Variants in LNP1 observed in about 807,000 individuals in gnomAD.
LNP1 encodes leukemia NUP98 fusion partner 1.
LNP1 carries 12 observed loss-of-function variants against 14.5 expected under a neutral mutation model. The ratio of observed to expected loss-of-function variants is 0.83; its 90% CI spans 0.53 to 1.34. The LOEUF (loss-of-function observed/expected upper bound fraction) is 1.34, where lower values mean the gene tolerates loss of function less well. LNP1 is among the 40% of genes most tolerant of loss of function. LNP1 has a pLI of 0.00. For missense variants in LNP1, 198 were observed against 210.9 expected, an observed-to-expected ratio of 0.94 and a Z score of 0.38; for synonymous variants, 75 against 71.4, an observed-to-expected ratio of 1.05 and a Z score of -0.26.
chr3:100,453,988 A>C (rs964248112), intron 3 of LNP1, among the ~76,000 whole-genome samples: 1 of 152,174 alleles, frequency 6.6e-6, no homozygotes, highest in African/African-American at 2.4e-5. Context: ...GCACTTTCTC[A>C]GTCTTTCCTT....
At chr3:100,409,735 C>T (rs932517443) in intron 1 of LNP1, among the ~76,000 whole-genome samples, 2 of 150,818 alleles carry the variant, frequency 1.3e-5, no homozygotes, top group Non-Finnish European at 3.0e-5. Flanking sequence ...TCTGGGATTG[C>T]AGGTACCCAC....
intron 2 of LNP1, among the ~76,000 whole-genome samples, chr3:100,437,282 T>C (rs1219396704): frequency 6.6e-6 from 1 of 152,212 alleles, no homozygotes; most frequent in African/African-American, 2.4e-5. Flanking sequence ...GACAAGTCCT[T>C]GAATTTTGCT....
chr3:100,417,219 C>T (rs1707093053), intron 1 of LNP1, among the ~76,000 whole-genome samples: 1 of 151,966 alleles, frequency 6.6e-6, no homozygotes, highest in Non-Finnish European at 1.5e-5. Flanking sequence ...TATTACCTCC[C>T]TCTCCCTATC....
At chr3:100,412,027 T>C (rs1454573767) in intron 1 of LNP1, among the ~76,000 whole-genome samples, 3 of 152,218 alleles carry the variant, frequency 2.0e-5, no homozygotes, top group African/African-American at 7.2e-5. Flanking sequence ...TTTGTGTTGC[T>C]ATAACAGAAT....
chr3:100,412,680 A>G (rs755060595), intron 1 of LNP1, among the ~76,000 whole-genome samples: 9 of 152,152 alleles, frequency 5.9e-5, no homozygotes, highest in Non-Finnish European at 1.2e-4. Flanking sequence ...CTAATTCTAT[A>G]TGTCAGAGCA....
At chr3:100,409,126 AG>A (rs1243934548) in intron 1 of LNP1, among the ~76,000 whole-genome samples, 1 of 152,070 alleles carries the variant, frequency 6.6e-6, no homozygotes, top group African/African-American at 2.4e-5. Flanking sequence ...CAATCAGATG[AG>A]GGCCCAAATA....
At chr3:100,421,001 A>G (rs532257653) in intron 1 of LNP1, among the ~76,000 whole-genome samples, 59 of 151,886 alleles carry the variant, frequency 3.9e-4, no homozygotes, top group African/African-American at 1.3e-3. Flanking sequence ...TTTTTGAGAT[A>G]AGAGTCTTGC....
chr3:100,437,956 G>A (rs75314689), intron 2 of LNP1, among the ~76,000 whole-genome samples: 1,730 of 152,254 alleles, frequency 0.011, 30 homozygotes, highest in African/African-American at 0.04. Context: ...GCAAGACTTA[G>A]CCTCACTAAG....
At chr3:100,423,844 G>A (rs1018966006) in intron 1 of LNP1, among the ~76,000 whole-genome samples, 1 of 152,122 alleles carries the variant, frequency 6.6e-6, no homozygotes, top group African/African-American at 2.4e-5. Flanking sequence ...CCTTTGGTAC[G>A]CATCCCCAGC....
At chr3:100,424,229 TC>T (rs1378188368) in intron 1 of LNP1, among the ~76,000 whole-genome samples, 2 of 152,190 alleles carry the variant, frequency 1.3e-5, no homozygotes, top group African/African-American at 2.4e-5. Flanking sequence ...TTTGAAGAGT[TC>T]CCTTTCCTTC....
At chr3:100,402,612 C>G (rs1027387257) in intron 1 of LNP1, among the ~76,000 whole-genome samples, 173 bp downstream of exon 1, 1 of 151,984 alleles carries the variant, frequency 6.6e-6, no homozygotes, top group Non-Finnish European at 1.5e-5. Context: ...AATATAAGCT[C>G]TGCCTTGCCT....
At chr3:100,448,539 G>A (rs1273290041) in intron 2 of LNP1, among the ~76,000 whole-genome samples, 1 of 152,098 alleles carries the variant, frequency 6.6e-6, no homozygotes, top group East Asian at 1.9e-4. Flanking sequence ...GCAGGGATAA[G>A]CATAAAATTA....
At chr3:100,431,110 A>T (rs1462388937) in intron 2 of LNP1, among the ~76,000 whole-genome samples, 1 of 152,228 alleles carries the variant, frequency 6.6e-6, no homozygotes, top group East Asian at 1.9e-4. Flanking sequence ...ATTAGTTTCC[A>T]GTTTCCAGAT....
At position 100,430,404 on chromosome 3, in the gene LNP1, GC is replaced by G. The variant is rs540462393; in HGVS notation, c.156+522del. On this transcript the variant is annotated intron_variant, in intron 2 of 3. Transcript: ENST00000383693. ...TGGGAGAGGGAGCTAAAACTCTCCT[GC>G]CCTCAGCACTGTTTTGTTACAGCTA... is the stretch of plus-strand genomic sequence containing the variant. Among the ~76,000 whole-genome samples, 92 of 152,288 alleles carry G rather than the reference GC, an allele frequency of 6.0e-4. 1 individual carries two copies. Among genetic ancestry groups the G allele is most frequent in the African/African-American group, 2.1e-3 (88 of 41,568 alleles).
chr3:100,422,050 C>T (rs966861913), intron 1 of LNP1, among the ~76,000 whole-genome samples: 3 of 152,124 alleles, frequency 2.0e-5, no homozygotes, highest in South Asian at 4.1e-4. Context: ...GTTTGGATCA[C>T]TTCTTATGGA....
At chr3:100,447,428 A>C (rs1277031613) in intron 2 of LNP1, among the ~76,000 whole-genome samples, 1 of 152,064 alleles carries the variant, frequency 6.6e-6, no homozygotes, top group African/African-American at 2.4e-5. Context: ...TGGGGGGAAC[A>C]TCACATACTG....
intron 1 of LNP1, among the ~76,000 whole-genome samples, chr3:100,425,436 G>A (rs929842287): frequency 1.3e-5 from 2 of 152,194 alleles, no homozygotes; most frequent in African/African-American, 2.4e-5. Flanking sequence ...TGTTGGGTGT[G>A]ATCATAGGCT....
intron 2 of LNP1, among the ~76,000 whole-genome samples, chr3:100,443,893 C>A (rs910723848): frequency 2.6e-5 from 4 of 152,166 alleles, no homozygotes; most frequent in Admixed American, 2.0e-4. Context: ...AAATATGCTC[C>A]AAATTTTGTT....
At chr3:100,433,092 A>T (rs904094585) in intron 2 of LNP1, among the ~76,000 whole-genome samples, 1 of 152,210 alleles carries the variant, frequency 6.6e-6, no homozygotes, top group East Asian at 1.9e-4. Flanking sequence ...ATACATGTGC[A>T]GAACGTGCAG....
Sources: allele counts gnomAD v4.1 joint callset (sites outside exome capture counted in the v4.1 genomes callset), GRCh38; gene constraint gnomAD v4.1.1; transcripts MANE v1.5; gene names NCBI Gene and HGNC (gene_info 2026-07-23, HGNC 2026-07-21).